RFTN1: variants seen among roughly 807,000 people sequenced by gnomAD.
RFTN1 encodes raftlin.
RFTN1 carries 26 observed loss-of-function variants against 46.5 expected under a neutral mutation model. The observed-to-expected ratio is 0.56, with a 90% CI of 0.41 to 0.78. The LOEUF is 0.78. Ranked by LOEUF, RFTN1 falls within the 30% of genes least tolerant of loss-of-function variation. The pLI, the probability that RFTN1 is intolerant of heterozygous loss-of-function variation, is 0.00. For synonymous variants in RFTN1, 261 were observed against 284.2 expected, an observed-to-expected ratio of 0.92 and a Z score of 0.82; for missense variants, 693 against 718.7, an observed-to-expected ratio of 0.96 and a Z score of 0.41.
In RFTN1 at chr3:16,381,042, C is replaced by CTTGG. The variant is rs2073975807; in HGVS notation, c.442-2941_442-2940insCCAA. Among the ~76,000 whole-genome samples, 1 of 152,138 alleles carries CTTGG rather than the reference C, an allele frequency of 6.6e-6. No homozygotes were observed. Among genetic ancestry groups the CTTGG allele is most frequent in the Non-Finnish European group, 1.5e-5 (1 of 68,036 alleles). ...CAGGAATGTAAAATAGGATCCCCAA[C>CTTGG]CCTCAAGAAGATTTGACCAATTATT... On this transcript the variant is annotated intron_variant, in intron 4 of 9. Coordinates refer to ENST00000334133, the MANE Select transcript of RFTN1 (RefSeq NM_015150.2). This position sits in a 1 kb window ranked among gnomAD's most constrained non-coding sequence, Gnocchi z 4.2.
intron 5 of RFTN1, among the ~76,000 whole-genome samples, chr3:16,375,386 A>G (rs1575169899): frequency 6.6e-6 from 1 of 152,170 alleles, no homozygotes; most frequent in East Asian, 1.9e-4. Context: ...ATATGGGGGT[A>G]TAAAAGGTGA....
At position 16,468,600 on chromosome 3, in the gene RFTN1, G is replaced by A. The variant is rs73024226; in HGVS notation, c.145+25125C>T. ...GATGGAGTAGCGGGGAGAGGCTGAC[G>A]CATTTCCTCACGTACAACCCAGCGT... On this transcript the variant is annotated intron_variant, in intron 2 of 9. Coordinates refer to ENST00000334133, the MANE Select transcript of RFTN1 (RefSeq NM_015150.2). This position sits in a 1 kb window ranked among gnomAD's most constrained non-coding sequence, Gnocchi z 4.4. Among the ~76,000 whole-genome samples the A allele has an allele frequency of 4.5e-3, 666 of 146,754 alleles. 5 individuals are homozygous for A. Among genetic ancestry groups the A allele is most frequent in the Middle Eastern group, 0.011 (3 of 278 alleles).
At chr3:16,367,947 T>C (rs528752585) in intron 6 of RFTN1, among the ~76,000 whole-genome samples, 1 of 152,258 alleles carries the variant, frequency 6.6e-6, no homozygotes, top group African/African-American at 2.4e-5. Flanking sequence ...AAATTCCAAG[T>C]GGCCACCTGT....
chr3:16,368,471 A>T (rs1204266692), intron 6 of RFTN1, among the ~76,000 whole-genome samples: 1 of 152,214 alleles, frequency 6.6e-6, no homozygotes, highest in East Asian at 1.9e-4. Context: ...GGGAACTGAG[A>T]CCATCCTGGC....
Position 16,327,839 on chromosome 3 carries a change from T to G in RFTN1, c.1147-963A>C, listed in dbSNP as rs1313785121. Among the ~76,000 whole-genome samples the G allele has an allele frequency of 6.6e-6, 1 of 152,166 alleles. No individual in the cohort carries two copies. Among genetic ancestry groups the G allele is most frequent in the Admixed American group, 6.5e-5 (1 of 15,280 alleles). ...GAGCCCTGATGTGAGGCCCCTGCAC[T>G]GGCTTCCACCTCTGCAGGCGTTCTC... On this transcript the variant is annotated intron_variant, in intron 7 of 9. Transcript: ENST00000334133. The surrounding 1 kb of genome is among the most constrained non-coding windows in gnomAD (Gnocchi z 4.2).
In RFTN1 at chr3:16,507,824, TACAC is replaced by T. The variant is rs1032838800; in HGVS notation, c.-9+5614_-9+5617del. On this transcript the variant is annotated intron_variant, in intron 1 of 9. Transcript: ENST00000334133. The surrounding 1 kb of genome is among the most constrained non-coding windows in gnomAD (Gnocchi z 7.1). The stretch of plus-strand genomic sequence containing the variant: ...ACACAAACGCACATACATACATACA[TACAC>T]ACACACACACATACACACATATATA... Among the ~76,000 whole-genome samples, 1 of 53,294 alleles carries T rather than the reference TACAC, an allele frequency of 1.9e-5. No homozygotes were observed. Among genetic ancestry groups the T allele is most frequent in the Non-Finnish European group, 3.8e-5 (1 of 26,350 alleles). 35.0% of individuals were successfully genotyped at this position (53,294 alleles called of 152,430 possible).
At chr3:16,432,386 C>A (rs1174265436) in intron 3 of RFTN1, among the ~76,000 whole-genome samples, 1 of 152,222 alleles carries the variant, frequency 6.6e-6, no homozygotes, top group South Asian at 2.1e-4. Flanking sequence ...GGCATGGTGG[C>A]GTGCACCTGT....
chr3:16,416,344 C>A, intron 3 of RFTN1: 1 of 337,112 alleles, frequency 3.0e-6, no homozygotes, highest in Non-Finnish European at 5.7e-6. Flanking sequence ...ACATCTGAGC[C>A]CCGTTAAGTT....
intron 4 of RFTN1, among the ~76,000 whole-genome samples, chr3:16,397,339 A>G (rs534332021): frequency 3.3e-4 from 51 of 152,344 alleles, no homozygotes; most frequent in Non-Finnish European, 6.9e-4. Context: ...ACTGGTTACT[A>G]TGGCAGAAAG....
In RFTN1 at chr3:16,410,212, TACACACACAC is replaced by T. The variant is rs66657696; in HGVS notation, c.333-739_333-730del. 8.0e-3 allele frequency among the ~76,000 whole-genome samples: 1,131 copies of T among 141,314 alleles called. 11 individuals carry two copies. Among genetic ancestry groups the T allele is most frequent in the East Asian group, 0.016 (74 of 4,724 alleles). 92.7% of individuals were successfully genotyped at this position (141,314 alleles called of 152,430 possible). On this transcript the variant is annotated intron_variant, in intron 3 of 9. Coordinates refer to ENST00000334133, the MANE Select transcript of RFTN1 (RefSeq NM_015150.2). This position sits in a 1 kb window ranked among gnomAD's most constrained non-coding sequence, Gnocchi z 4.6. ...TTGGTACAATACAGCTTACATGTTA[TACACACACAC>T]ACACACACACACACACACACACACA...
At chr3:16,397,069 GAAAA>G (rs11290510) in intron 4 of RFTN1, among the ~76,000 whole-genome samples, 2 of 117,114 alleles carry the variant, frequency 1.7e-5, no homozygotes, top group East Asian at 2.5e-4. Context: ...GTCTCAAAAT[GAAAA>G]AAAAAAAAAA....
chr3:16,482,323 C>T (rs1427754351), intron 2 of RFTN1, among the ~76,000 whole-genome samples: 1 of 152,198 alleles, frequency 6.6e-6, no homozygotes. Flanking sequence ...AGCTGCATTG[C>T]AAACAACACA....
intron 7 of RFTN1, among the ~76,000 whole-genome samples, chr3:16,331,136 G>C (rs375512247): frequency 6.6e-6 from 1 of 152,176 alleles, no homozygotes; most frequent in Non-Finnish European, 1.5e-5. Flanking sequence ...CTCTATTCCT[G>C]ACATCCACAG....
At chr3:16,503,595 C>T (rs2076749954) in intron 1 of RFTN1, among the ~76,000 whole-genome samples, 1 of 152,188 alleles carries the variant, frequency 6.6e-6, no homozygotes, top group South Asian at 2.1e-4. Flanking sequence ...AGCCAGGACT[C>T]AGCAGGGCCC....
Position 16,407,164 on chromosome 3 carries a change from CCAACTCATAT to C in RFTN1, c.441+2201_441+2210del, listed in dbSNP as rs1211743053. Among the ~76,000 whole-genome samples the C allele has an allele frequency of 1.3e-5, 2 of 152,126 alleles. No homozygotes were observed. Among genetic ancestry groups the C allele is most frequent in the East Asian group, 1.9e-4 (1 of 5,190 alleles). ...ACCTAATTTGGTTAAGACAAAGTCA[CCAACTCATAT>C]CAACTCATATGTTTTCTTTCTTTTA... On this transcript the variant is annotated intron_variant, in intron 4 of 9. Coordinates refer to ENST00000334133, the MANE Select transcript of RFTN1 (RefSeq NM_015150.2). The surrounding 1 kb of genome is among the most constrained non-coding windows in gnomAD (Gnocchi z 4.0).
chr3:16,449,954 G>C lies in RFTN1; in HGVS notation c.146-15917C>G, dbSNP rs2075796538. Among the ~76,000 whole-genome samples the C allele has an allele frequency of 6.6e-6, 1 of 152,128 alleles. No individual in the cohort carries two copies. Among genetic ancestry groups the C allele is most frequent in the South Asian group, 2.1e-4 (1 of 4,830 alleles). On this transcript the variant is annotated intron_variant, in intron 2 of 9. Coordinates refer to ENST00000334133, the MANE Select transcript of RFTN1 (RefSeq NM_015150.2). This position sits in a 1 kb window ranked among gnomAD's most constrained non-coding sequence, Gnocchi z 5.1. ...AAGTGACCAGGAAGCAGCAGGAGGA[G>C]GGCTGCAGGAGGCCCCAGGGAGGCG...
rs1024212808 is a variant in RFTN1, at chr3:16,499,033, C to T, written c.-8-5156G>A. On this transcript the variant is annotated intron_variant, in intron 1 of 9. Transcript: ENST00000334133. This position sits in a 1 kb window ranked among gnomAD's most constrained non-coding sequence, Gnocchi z 4.9. Reference sequence around the variant, plus strand: ...CTTTTGAGGGCAGTGGGAGGGAAGGCAGAGGAAAAGGTCTAAGGAATAGTA... The same window carrying T: ...CTTTTGAGGGCAGTGGGAGGGAAGGTAGAGGAAAAGGTCTAAGGAATAGTA... Among the ~76,000 whole-genome samples, 1 of 152,088 alleles carries T rather than the reference C, an allele frequency of 6.6e-6. No individual in the cohort carries two copies. Among genetic ancestry groups the T allele is most frequent in the African/African-American group, 2.4e-5 (1 of 41,406 alleles).
chr3:16,396,053 T>C (rs952974837), intron 4 of RFTN1, among the ~76,000 whole-genome samples: 1 of 152,224 alleles, frequency 6.6e-6, no homozygotes, highest in African/African-American at 2.4e-5. Flanking sequence ...GACTATTAGA[T>C]TTAAAATATA....
intron 4 of RFTN1, among the ~76,000 whole-genome samples, chr3:16,398,382 G>C (rs953638716): frequency 1.3e-5 from 2 of 151,646 alleles, no homozygotes; most frequent in African/African-American, 4.8e-5. Flanking sequence ...GTGCAATCAA[G>C]AGCCATTGGC....
Sources: allele counts gnomAD v4.1 joint callset (sites outside exome capture counted in the v4.1 genomes callset), GRCh38; gene constraint gnomAD v4.1.1; non-coding constraint Gnocchi (gnomAD v3.1); transcripts MANE v1.5; gene names NCBI Gene and HGNC (gene_info 2026-07-23, HGNC 2026-07-21).